The following PPP1R12A variants were observed in gnomAD, a reference collection of about 807,000 sequenced individuals.
The protein encoded by PPP1R12A is myosin binding subunit.
Under a neutral mutation model 139.6 loss-of-function variants are expected in PPP1R12A, and 19 were observed. The observed-to-expected ratio is 0.14, with a 90% confidence interval of 0.09 to 0.20. PPP1R12A has a LOEUF of 0.20. Ranked by LOEUF, PPP1R12A falls within the 10% of genes least tolerant of loss-of-function variation. PPP1R12A has a pLI of 1.00. For missense variants in PPP1R12A, 925 were observed against 1,211.5 expected, an observed-to-expected ratio of 0.76 and a Z score of 3.51; for synonymous variants, 427 against 420.6, an observed-to-expected ratio of 1.02 and a Z score of -0.19.
intron 1 of PPP1R12A, among the ~76,000 whole-genome samples, chr12:79,909,844 G>A (rs1302336149): frequency 1.3e-5 from 2 of 151,700 alleles, no homozygotes; most frequent in Non-Finnish European, 2.9e-5. Flanking sequence ...GTCTCACTCT[G>A]TCGCCCAGGC....
At chr12:79,805,954 A>G (rs1258740142) in intron 13 of PPP1R12A, 186 bp from the exon 14 acceptor site, 4 of 913,424 alleles carry the variant, frequency 4.4e-6, no homozygotes, top group Non-Finnish European at 6.4e-6. Flanking sequence ...TTTACATTTT[A>G]AGCAGTCTAA....
At chr12:79,844,303 A>G (rs1264400776) in intron 3 of PPP1R12A, among the ~76,000 whole-genome samples, 1 of 152,210 alleles carries the variant, frequency 6.6e-6, no homozygotes, top group African/African-American at 2.4e-5. Flanking sequence ...CACGCAAAAC[A>G]AATTTAACAT....
chr12:79,780,406 A>C (rs1870291856), intron 23 of PPP1R12A: 1 of 152,062 alleles, frequency 6.6e-6, no homozygotes, highest in South Asian at 2.1e-4. Context: ...AAGCAGAAAA[A>C]GGAGGTTAGG....
intron 1 of PPP1R12A, among the ~76,000 whole-genome samples, chr12:79,929,745 G>C (rs1255629782): frequency 2.0e-5 from 3 of 151,502 alleles, no homozygotes; most frequent in Admixed American, 2.0e-4. Context: ...CTCCAGCCTG[G>C]GTGACAGAAT....
At chr12:79,809,134 T>A (rs1316479776) in intron 10 of PPP1R12A, among the ~76,000 whole-genome samples, 1 of 152,042 alleles carries the variant, frequency 6.6e-6, no homozygotes, top group African/African-American at 2.4e-5. Context: ...CACAGTAAAC[T>A]GATAAAAAAG....
chr12:79,868,725 C>T (rs1306919955), intron 2 of PPP1R12A, among the ~76,000 whole-genome samples: 1 of 152,138 alleles, frequency 6.6e-6, no homozygotes, highest in Non-Finnish European at 1.5e-5. Flanking sequence ...TTAATCATCC[C>T]TTTAGAGGCC....
rs575254580 is a variant in PPP1R12A at position 79,810,073 on chromosome 12, T to C, written c.1240-63A>G. 52 of 1,247,140 alleles carry C rather than the reference T, an allele frequency of 4.2e-5. No individual in the cohort carries two copies. In the African/African-American group the frequency reaches 6.3e-4, roughly 15 times the overall value. 77.3% of individuals were successfully genotyped at this position (1,247,140 alleles called of 1,614,324 possible). A position where few individuals can be genotyped will look rare whatever the true frequency, so the allele number is the denominator to read the frequency against. ...TTTGTAAAGCTGATCAGTCCTTAAA[T>C]TGGAAACAATAAGTTTACAGATAAT... On this transcript the variant is annotated intron_variant, in intron 9 of 24. Coordinates refer to ENST00000450142, the MANE Select transcript of PPP1R12A (RefSeq NM_002480.3).
At chr12:79,930,007 T>C (rs1888128613) in intron 1 of PPP1R12A, among the ~76,000 whole-genome samples, 1 of 152,168 alleles carries the variant, frequency 6.6e-6, no homozygotes, top group South Asian at 2.1e-4. Flanking sequence ...ATCTACTATG[T>C]GCTAGGCTCT....
At chr12:79,840,417 A>G (rs1459893473) in intron 3 of PPP1R12A, among the ~76,000 whole-genome samples, 1 of 152,074 alleles carries the variant, frequency 6.6e-6, no homozygotes, top group Non-Finnish European at 1.5e-5. Flanking sequence ...GTTCTCCTAG[A>G]TTTACTTTTC....
intron 14 of PPP1R12A, among the ~76,000 whole-genome samples, chr12:79,802,170 C>G (rs1873265415): frequency 6.6e-6 from 1 of 152,040 alleles, no homozygotes; most frequent in Non-Finnish European, 1.5e-5. Context: ...AGGAAAATCA[C>G]AATAAAATAT....
At chr12:79,860,584 AAAT>A (rs1435179302) in intron 2 of PPP1R12A, among the ~76,000 whole-genome samples, 6 of 152,346 alleles carry the variant, frequency 3.9e-5, no homozygotes, top group East Asian at 1.9e-4. Context: ...ACTTCAATAA[AAAT>A]AATACTTTTA....
At chr12:79,818,761 G>C (rs1422350933) in intron 8 of PPP1R12A, 2 of 152,172 alleles carry the variant, frequency 1.3e-5, no homozygotes, top group African/African-American at 4.8e-5. Context: ...TTTATGAGAA[G>C]AGAAAGAACA....
rs148808794 is a variant in PPP1R12A at position 79,881,669 on chromosome 12, C to T, written c.238-8731G>A. Among the ~76,000 whole-genome samples, 114 of 152,316 alleles carry T rather than the reference C, an allele frequency of 7.5e-4. 1 individual carries two copies. The East Asian group carries it at 0.018, about 24-fold the overall frequency. Reference sequence around the variant, plus strand: ...CAGCTAAAATCACTGATGAAGGTGGCTACAACTAAACAATAGCGTTTCACT... The same window carrying T: ...CAGCTAAAATCACTGATGAAGGTGGTTACAACTAAACAATAGCGTTTCACT... On this transcript the variant is annotated intron_variant, in intron 1 of 24. Transcript: ENST00000450142.
At chr12:79,805,790 C>T (rs1209214735) in intron 13 of PPP1R12A, 22 bp from the exon 14 acceptor site, 3 of 1,588,252 alleles carry the variant, frequency 1.9e-6, no homozygotes, top group Admixed American at 1.8e-5. Context: ...TAAGCAGCAA[C>T]ACAAAAAAGA....
chr12:79,778,117 T>C (rs1869962495), intron 24 of PPP1R12A, among the ~76,000 whole-genome samples: 1 of 152,082 alleles, frequency 6.6e-6, no homozygotes, highest in South Asian at 2.1e-4. Flanking sequence ...GCCTGTTCAC[T>C]CCCCTAATGT....
intron 1 of PPP1R12A, among the ~76,000 whole-genome samples, chr12:79,921,271 A>G (rs1410893074): frequency 6.6e-6 from 1 of 152,196 alleles, no homozygotes; most frequent in Non-Finnish European, 1.5e-5. Context: ...TGATATAAAA[A>G]ATAAGATATG....
chr12:79,797,991 G>A (rs995586987), intron 15 of PPP1R12A, among the ~76,000 whole-genome samples: 2 of 152,062 alleles, frequency 1.3e-5, no homozygotes, highest in South Asian at 2.1e-4. Flanking sequence ...AATCAGAATG[G>A]CAAAACGGAG....
rs149384466 is a variant in PPP1R12A, at chr12:79,814,815, CAAAAAAAAAAAA to C, written c.1239+2567_1239+2578del. ...GGGTGACAAGAGTGAAACTCTGTCTCAAAAAAAAAAAAAAAAAAAAAAAAAATTCAAAATTTT... is the reference window on the plus strand; with the variant it reads ...GGGTGACAAGAGTGAAACTCTGTCTCAAAAAAAAAAAAAATTCAAAATTTT... On this transcript the variant is annotated intron_variant, in intron 9 of 24. Transcript: ENST00000450142. Among the ~76,000 whole-genome samples the C allele has an allele frequency of 2.2e-4, 15 of 69,750 alleles. No homozygotes were observed. In the East Asian group the frequency reaches 6.7e-3, roughly 31 times the overall value. 45.8% of individuals were successfully genotyped at this position (69,750 alleles called of 152,430 possible). A position where few individuals can be genotyped will look rare whatever the true frequency, so the allele number is the denominator to read the frequency against.
In PPP1R12A at chr12:79,868,454, A is replaced by G. The variant is rs112739917; in HGVS notation, c.368+4354T>C. Among the ~76,000 whole-genome samples, 1,490 of 152,342 alleles carry G rather than the reference A, an allele frequency of 9.8e-3. 32 individuals carry two copies. Among genetic ancestry groups the G allele is most frequent in the African/African-American group, 0.035 (1,435 of 41,568 alleles). ...TAGGACTACCATAATAAAATGCCAC[A>G]CACTGGGTGGCTTAAACAATAGAAA... On this transcript the variant is annotated intron_variant, in intron 2 of 24. Transcript: ENST00000450142.
Sources: allele counts gnomAD v4.1 joint callset (sites outside exome capture counted in the v4.1 genomes callset), GRCh38; gene constraint gnomAD v4.1.1; transcripts MANE v1.5; gene names NCBI Gene and HGNC (gene_info 2026-07-23, HGNC 2026-07-21).